The following EPAS1 variants were observed in gnomAD, a reference collection of about 807,000 sequenced individuals.
The protein encoded by EPAS1 is endothelial PAS domain-containing protein 1.
In EPAS1, 23 loss-of-function variants were observed where a neutral mutation model predicts 87.9. The ratio of observed to expected loss-of-function variants is 0.26; its 90% CI spans 0.19 to 0.37. The LOEUF is 0.37. Ranked by LOEUF, EPAS1 falls within the 10% of genes least tolerant of loss-of-function variation. The pLI is 1.00. For synonymous variants in EPAS1, 508 were observed against 444.3 expected (o/e 1.14, Z -1.80); for missense variants, 1,138 against 1,120.7 (o/e 1.02, Z -0.22).
chr2:46,332,332 G>GTGTGTA (rs146630883), intron 1 of EPAS1, among the ~76,000 whole-genome samples: 17,532 of 141,988 alleles, frequency 0.12, 1,383 homozygotes, highest in East Asian at 0.28. Flanking sequence ...GTGTGTGTGT[G>GTGTGTA]TATCAACTTG....
chr2:46,302,799 C>T (rs994381408), intron 1 of EPAS1, among the ~76,000 whole-genome samples: 5 of 149,506 alleles, frequency 3.3e-5, no homozygotes, highest in Non-Finnish European at 7.4e-5. Flanking sequence ...AGGGGTTGGG[C>T]GTGGTAACTC....
At chr2:46,327,071 CA>C (rs1558588508) in intron 1 of EPAS1, among the ~76,000 whole-genome samples, 1 of 152,134 alleles carries the variant, frequency 6.6e-6, no homozygotes, top group East Asian at 1.9e-4. Flanking sequence ...TCAGGACCAG[CA>C]GGGGCCGTGC....
intron 6 of EPAS1, among the ~76,000 whole-genome samples, chr2:46,368,939 T>C (rs1192355231): frequency 6.6e-6 from 1 of 152,172 alleles, no homozygotes; most frequent in Non-Finnish European, 1.5e-5. Context: ...TTTTAGTGAT[T>C]ACAGCACAAA....
chr2:46,318,267 A>C (rs1212500951), intron 1 of EPAS1, among the ~76,000 whole-genome samples: 1 of 152,122 alleles, frequency 6.6e-6, no homozygotes, highest in African/African-American at 2.4e-5. Flanking sequence ...TATTAAGATC[A>C]CTGTCTTATA....
rs192814952 is a variant in EPAS1 at position 46,333,798 on chromosome 2, G to A, written c.27-13075G>A. Among the ~76,000 whole-genome samples the A allele has an allele frequency of 6.3e-3, 955 of 151,818 alleles. 9 individuals carry two copies. The highest frequency in any genetic ancestry group is 0.022 in the African/African-American group (906 of 41,334). On this transcript the variant is annotated intron_variant, in intron 1 of 15. Transcript: ENST00000263734. ...GTTTTGGGGAAAGAGTGGTGGGCTGGCGAGCTGTTCCTTGCCCCAAGATCT... is the reference window on the plus strand; with the variant it reads ...GTTTTGGGGAAAGAGTGGTGGGCTGACGAGCTGTTCCTTGCCCCAAGATCT...
chr2:46,318,834 AC>A (rs1042380351), intron 1 of EPAS1, among the ~76,000 whole-genome samples: 10 of 152,266 alleles, frequency 6.6e-5, no homozygotes, highest in African/African-American at 2.4e-4. Flanking sequence ...TTATCATGTT[AC>A]ATGCTATTGT....
Position 46,347,113 on chromosome 2 carries a change from A to T in EPAS1, c.217+50A>T, listed in dbSNP as rs763770208. ...CTGGGCAGATGCCAGCCTTACCAGCATGTTCCTATATGCAGGGGACCCTTC... is the reference window on the plus strand; with the variant it reads ...CTGGGCAGATGCCAGCCTTACCAGCTTGTTCCTATATGCAGGGGACCCTTC... On this transcript the variant is annotated intron_variant, in intron 2 of 15. Transcript: ENST00000263734. The surrounding 1 kb of genome is among the most constrained non-coding windows in gnomAD (Gnocchi z 4.2). The T allele has an allele frequency of 1.9e-6, 3 of 1,604,992 alleles. No individual in the cohort carries two copies. In the Admixed American group the frequency reaches 5.0e-5, roughly 27 times the overall value.
intron 1 of EPAS1, among the ~76,000 whole-genome samples, chr2:46,317,189 A>T (rs987640304): frequency 6.6e-6 from 1 of 152,154 alleles, no homozygotes; most frequent in African/African-American, 2.4e-5. Flanking sequence ...GACTCCTGTT[A>T]CTGCTGATAT....
intron 11 of EPAS1, among the ~76,000 whole-genome samples, chr2:46,379,360 T>G (rs1049883299): frequency 7.9e-5 from 12 of 152,070 alleles, no homozygotes; most frequent in African/African-American, 2.7e-4. Flanking sequence ...GTCTTAGTCT[T>G]GAGTTCAACC....
intron 1 of EPAS1, among the ~76,000 whole-genome samples, chr2:46,299,031 G>T (rs1477815272): frequency 6.6e-6 from 1 of 152,252 alleles, no homozygotes; most frequent in Non-Finnish European, 1.5e-5. Context: ...CCTGAGCCGC[G>T]GGAAACCAGC....
intron 1 of EPAS1, 126 bp downstream of exon 1, chr2:46,298,063 T>G: frequency 8.2e-7 from 1 of 1,219,636 alleles, no homozygotes; most frequent in Non-Finnish European, 1.2e-6. Flanking sequence ...AGGCTCGGTT[T>G]GGAGGGCTGT....
chr2:46,383,612 T>G (rs1404692167), intron 15 of EPAS1, among the ~76,000 whole-genome samples: 1 of 152,216 alleles, frequency 6.6e-6, no homozygotes, highest in Non-Finnish European at 1.5e-5. Context: ...TTATGTGCAG[T>G]AAGAGGTAGC....
intron 9 of EPAS1, among the ~76,000 whole-genome samples, 186 bp from the exon 10 acceptor site, chr2:46,377,708 C>T (rs1057291678): frequency 1.7e-4 from 26 of 152,316 alleles, no homozygotes; most frequent in Admixed American, 5.2e-4. Flanking sequence ...GGAGTCTCTA[C>T]GTTGACTCAT....
chr2:46,376,705 G>T lies in EPAS1; in HGVS notation c.1201G>T (p.Ala401Ser). 1 of 1,613,354 alleles carries T rather than the reference G, an allele frequency of 6.2e-7. No individual in the cohort carries two copies. Among genetic ancestry groups the T allele is most frequent in the Non-Finnish European group, 8.5e-7 (1 of 1,180,002 alleles). The change falls in exon 9 of 16, where the codon GCC becomes TCC. Residue 401 changes from alanine (A) to serine (S), a missense_variant. By Grantham distance (99) the Ala-to-Ser change is moderately conservative (BLOSUM62 1). Transcript: ENST00000263734. ...TKLKEEPEEL[A>S]QLAPTPGDAI... is the part of the protein sequence containing the mutation. ...GCTAAAGGAGGAGCCCGAGGAGCTG[G>T]CCCAGCTGGCTCCCACCCCAGGAGA...
intron 1 of EPAS1, among the ~76,000 whole-genome samples, chr2:46,320,251 T>C (rs1299785611): frequency 6.6e-6 from 1 of 152,192 alleles, no homozygotes; most frequent in Non-Finnish European, 1.5e-5. Context: ...TTTGTTGATT[T>C]TGTAATTGCT....
chr2:46,351,223 T>G (rs1337563723), intron 2 of EPAS1, among the ~76,000 whole-genome samples: 1 of 152,360 alleles, frequency 6.6e-6, no homozygotes, highest in East Asian at 1.9e-4. Context: ...ATACTGACTT[T>G]GTTCAGATCA....
intron 7 of EPAS1, among the ~76,000 whole-genome samples, chr2:46,370,498 G>T (rs1383895332): frequency 6.6e-6 from 1 of 152,170 alleles, no homozygotes; most frequent in Non-Finnish European, 1.5e-5. Context: ...GAGCTTGCTT[G>T]CTGGATCAAG....
rs1052270402 is a variant in EPAS1, at chr2:46,373,033, ACCAT to A, written c.887-2656_887-2653del. ...ATTTGTGGACCCAGGTAATAAAGAG[ACCAT>A]TGTATTAGGAGCCACCAGACATGTT... is the stretch of plus-strand genomic sequence containing the variant. On this transcript the variant is annotated intron_variant, in intron 7 of 15. Transcript: ENST00000263734. 2.8e-4 allele frequency among the ~76,000 whole-genome samples: 42 copies of A among 152,300 alleles called. 1 individual carries two copies. Among genetic ancestry groups the A allele is most frequent in the Admixed American group, 5.9e-4 (9 of 15,308 alleles).
chr2:46,375,197 A>C lies in EPAS1; in HGVS notation c.887-493A>C, dbSNP rs1477724323. On this transcript the variant is annotated intron_variant, in intron 7 of 15. Coordinates refer to ENST00000263734, the MANE Select transcript of EPAS1 (RefSeq NM_001430.5). The surrounding 1 kb of genome is among the most constrained non-coding windows in gnomAD (Gnocchi z 4.1). ...TCTGCTGAAAAAAAAAAACAAAAAAAAACAAAAAAAACTGCCCTGAGGTCA... is the reference window on the plus strand; with the variant it reads ...TCTGCTGAAAAAAAAAAACAAAAAACAACAAAAAAAACTGCCCTGAGGTCA... Among the ~76,000 whole-genome samples the C allele has an allele frequency of 6.6e-6, 1 of 151,620 alleles. No homozygotes were observed. Among genetic ancestry groups the C allele is most frequent in the African/African-American group, 2.4e-5 (1 of 41,320 alleles).
Sources: gnomAD v4.1 joint callset for allele counts (sites outside exome capture counted in the v4.1 genomes callset) on GRCh38, gnomAD v4.1.1 for gene constraint, Gnocchi (gnomAD v3.1) non-coding constraint, MANE v1.5 for transcripts, NCBI Gene and HGNC (gene_info 2026-07-23, HGNC 2026-07-21) for gene names.